Variants in SMARCA2 observed in about 807,000 individuals in gnomAD.
SMARCA2 encodes the protein SWI/SNF related BAF chromatin remodeling complex subunit ATPase 2, also known as SWI/SNF-related matrix-associated actin-dependent regulator of chromatin subfamily A member 2.
SMARCA2 carries 61 observed loss-of-function variants against 199.8 expected under a neutral mutation model. The ratio of observed to expected loss-of-function variants is 0.31; its 90% CI spans 0.25 to 0.38. The LOEUF (loss-of-function observed/expected upper bound fraction) is 0.38, where lower values mean the gene tolerates loss of function less well. Among genes scored for constraint, SMARCA2 ranks in the 10% least tolerant of loss-of-function variants. The pLI is 1.00. For synonymous variants in SMARCA2, 935 were observed against 732.0 expected, an observed-to-expected ratio of 1.28 and a Z score of -4.48; for missense variants, 1,344 against 2,012.2, an observed-to-expected ratio of 0.67 and a Z score of 6.35.
At chr9:2,153,071 AAAAC>A (rs901877805) in intron 27 of SMARCA2, among the ~76,000 whole-genome samples, 7 of 152,112 alleles carry the variant, frequency 4.6e-5, no homozygotes, top group Non-Finnish European at 7.4e-5. Flanking sequence ...AACAACCAAA[AAAAC>A]AAAGTCACAG....
intron 31 of SMARCA2, among the ~76,000 whole-genome samples, chr9:2,185,655 G>C (rs1219632971): frequency 1.3e-5 from 2 of 152,196 alleles, no homozygotes; most frequent in Non-Finnish European, 1.5e-5. Flanking sequence ...TAAAAATAGA[G>C]TGTTGATTGG....
chr9:2,189,505 G>C (rs1245079463), intron 32 of SMARCA2, among the ~76,000 whole-genome samples: 1 of 152,048 alleles, frequency 6.6e-6, no homozygotes, highest in East Asian at 1.9e-4. Flanking sequence ...TGTATAAATG[G>C]ACATATTTCA....
intron 21 of SMARCA2, 33 bp from the exon 22 acceptor site, chr9:2,101,537 T>A (rs747868448): frequency 4.4e-5 from 54 of 1,230,140 alleles, no homozygotes; most frequent in African/African-American, 2.0e-4. Context: ...TTACATTTTT[T>A]AAAATCATTC....
At chr9:2,187,518 T>G (rs1166968644) in intron 32 of SMARCA2, among the ~76,000 whole-genome samples, 2 of 151,958 alleles carry the variant, frequency 1.3e-5, no homozygotes, top group Non-Finnish European at 2.9e-5. Context: ...CAAAAATGTT[T>G]GTAAAAAGAA....
chr9:2,079,100 C>T (rs1396598519), intron 14 of SMARCA2, among the ~76,000 whole-genome samples: 1 of 151,950 alleles, frequency 6.6e-6, no homozygotes, highest in Non-Finnish European at 1.5e-5. Flanking sequence ...TAGGCATAAC[C>T]CTGGACTGTC....
chr9:2,057,932 T>C (rs991052163), intron 7 of SMARCA2, among the ~76,000 whole-genome samples: 3 of 152,246 alleles, frequency 2.0e-5, no homozygotes, highest in Admixed American at 1.3e-4. Flanking sequence ...GAAATACTCA[T>C]GTTCCTCAGG....
intron 31 of SMARCA2, among the ~76,000 whole-genome samples, chr9:2,182,936 A>G (rs1384748017): frequency 1.3e-5 from 2 of 151,898 alleles, no homozygotes; most frequent in Non-Finnish European, 2.9e-5. Context: ...GATTACAGGC[A>G]TGCGCCACCA....
intron 29 of SMARCA2, among the ~76,000 whole-genome samples, chr9:2,179,168 A>G (rs113051795): frequency 3.9e-4 from 59 of 152,294 alleles, no homozygotes; most frequent in African/African-American, 1.4e-3. Context: ...GGGATTGCCC[A>G]TGAAAGTTGG....
intron 17 of SMARCA2, among the ~76,000 whole-genome samples, chr9:2,085,041 A>G (rs1388894583): frequency 6.6e-6 from 1 of 152,110 alleles, no homozygotes; most frequent in Non-Finnish European, 1.5e-5. Context: ...TAGAACCTCT[A>G]TTTCTGGGGT....
At position 2,039,922 on chromosome 9, in the gene SMARCA2, T is replaced by C; in HGVS notation, c.790+22T>C. 6.2e-7 allele frequency: 1 copy of C among 1,610,636 alleles called. No homozygotes were observed. The highest frequency in any genetic ancestry group is 8.5e-7 in the Non-Finnish European group (1 of 1,178,392). ...TCTGGTAGGTTAATACGCAACCAAA[T>C]GAATAATGCCATGGTCCAACTCGGA... On this transcript the variant is annotated intron_variant, in intron 4 of 33. Transcript: ENST00000349721. The surrounding 1 kb of genome is among the most constrained non-coding windows in gnomAD (Gnocchi z 4.8).
chr9:2,033,099 A>G lies in SMARCA2; in HGVS notation c.355+18A>G, dbSNP rs1262234607. 2.5e-6 allele frequency: 4 copies of G among 1,609,930 alleles called. No individual in the cohort carries two copies. Among genetic ancestry groups the G allele is most frequent in the Non-Finnish European group, 3.4e-6 (4 of 1,178,684 alleles). On this transcript the variant is annotated intron_variant, in intron 3 of 33. Coordinates refer to ENST00000349721, the MANE Select transcript of SMARCA2 (RefSeq NM_003070.5). ...CAGCCAAGGTTTGTGTCCGCTGCACACCTGATACTGGTTCCCCAGCATAGT... is the reference window on the plus strand; with the variant it reads ...CAGCCAAGGTTTGTGTCCGCTGCACGCCTGATACTGGTTCCCCAGCATAGT...
chr9:2,156,688 C>A (rs1472712899), intron 27 of SMARCA2, among the ~76,000 whole-genome samples: 12 of 152,092 alleles, frequency 7.9e-5, no homozygotes. Flanking sequence ...GCTTTGGCCT[C>A]CCAAAGTGCT....
intron 33 of SMARCA2, chr9:2,191,724 A>C (rs956543620): frequency 8.8e-6 from 2 of 228,018 alleles, no homozygotes; most frequent in African/African-American, 4.6e-5. Flanking sequence ...TTAATATTTT[A>C]CATGCATCAC....
At chr9:2,182,065 C>A in intron 30 of SMARCA2, 76 bp from the exon 31 acceptor site, 1 of 963,342 alleles carries the variant, frequency 1.0e-6, no homozygotes, top group Non-Finnish European at 1.7e-6. Flanking sequence ...GAAAATCAGG[C>A]TTTGTTAACT....
intron 1 of SMARCA2, among the ~76,000 whole-genome samples, chr9:2,021,082 A>C (rs1173075096): frequency 6.6e-6 from 1 of 152,222 alleles, no homozygotes; most frequent in Non-Finnish European, 1.5e-5. Context: ...ACAATATTCT[A>C]TAGTATTTTT....
chr9:2,184,791 T>C (rs7860522), intron 31 of SMARCA2, among the ~76,000 whole-genome samples: 118,917 of 151,876 alleles, frequency 0.78, 47,149 homozygotes, highest in African/African-American at 0.9. Context: ...ATTCTTCTCA[T>C]CTTTAAGATC....
At chr9:2,051,263 C>T (rs936118660) in intron 5 of SMARCA2, among the ~76,000 whole-genome samples, 1 of 152,160 alleles carries the variant, frequency 6.6e-6, no homozygotes, top group Non-Finnish European at 1.5e-5. Flanking sequence ...TCCTCTTCTC[C>T]TAGAGTTTGC....
intron 27 of SMARCA2, among the ~76,000 whole-genome samples, chr9:2,133,060 T>C (rs1456212917): frequency 6.6e-6 from 1 of 152,130 alleles, no homozygotes; most frequent in African/African-American, 2.4e-5. Flanking sequence ...TGGTCTTGAG[T>C]TATGTCCTCT....
At chr9:2,111,618 A>T (rs552938604) in intron 24 of SMARCA2, among the ~76,000 whole-genome samples, 59 of 151,874 alleles carry the variant, frequency 3.9e-4, no homozygotes, top group African/African-American at 1.3e-3. Context: ...ACACTATCTC[A>T]CTGGGTTGCG....
Sources: gnomAD v4.1 joint callset for allele counts (sites outside exome capture counted in the v4.1 genomes callset) on GRCh38, gnomAD v4.1.1 for gene constraint, Gnocchi (gnomAD v3.1) non-coding constraint, MANE v1.5 for transcripts, NCBI Gene and HGNC (gene_info 2026-07-23, HGNC 2026-07-21) for gene names.